Variants in NAALADL2 observed in about 807,000 individuals in gnomAD.
NAALADL2 encodes the protein N-acetylated alpha-linked acidic dipeptidase like 2, also known as inactive N-acetylated-alpha-linked acidic dipeptidase-like protein 2.
A neutral mutation model predicts 87.2 loss-of-function variants in NAALADL2; 76 were observed. That is an observed-to-expected ratio of 0.87 (90% CI 0.72 to 1.05). The LOEUF (loss-of-function observed/expected upper bound fraction) is 1.05, where lower values mean the gene tolerates loss of function less well. Ranked by LOEUF, NAALADL2 falls within the 50% of genes least tolerant of loss-of-function variation. NAALADL2 has a pLI of 0.00. For synonymous variants in NAALADL2, 354 were observed against 331.0 expected (o/e 1.07, Z -0.75); for missense variants, 1,089 against 945.8 (o/e 1.15, Z -1.99).
intron 1 of NAALADL2, among the ~76,000 whole-genome samples, chr3:174,874,703 G>A (rs1347609375): frequency 6.6e-6 from 1 of 151,836 alleles, no homozygotes; most frequent in East Asian, 1.9e-4. Context: ...TATTTTTTTT[G>A]CTACTTAAAT....
intron 1 of NAALADL2, among the ~76,000 whole-genome samples, chr3:174,931,654 G>T (rs1299888321): frequency 6.6e-6 from 1 of 152,102 alleles, no homozygotes; most frequent in Non-Finnish European, 1.5e-5. Context: ...CTCTTCAAGG[G>T]TAGATAAGAT....
chr3:175,167,192 A>G (rs939231091), intron 2 of NAALADL2, among the ~76,000 whole-genome samples: 5 of 152,208 alleles, frequency 3.3e-5, no homozygotes, highest in African/African-American at 1.2e-4. Flanking sequence ...TCAGCCATTC[A>G]TTGTAGCAGG....
chr3:175,154,290 T>G (rs1731982276), intron 2 of NAALADL2, among the ~76,000 whole-genome samples: 1 of 152,192 alleles, frequency 6.6e-6, no homozygotes, highest in Non-Finnish European at 1.5e-5. Flanking sequence ...CTATGAAGAT[T>G]GAGCCGATTA....
chr3:175,201,952 T>C (rs1740101903), intron 2 of NAALADL2, among the ~76,000 whole-genome samples: 1 of 152,194 alleles, frequency 6.6e-6, no homozygotes, highest in Admixed American at 6.5e-5. Context: ...TTTCTTAACT[T>C]TATGTATCAC....
At chr3:175,450,161 C>G (rs1290428764) in intron 6 of NAALADL2, among the ~76,000 whole-genome samples, 1 of 151,882 alleles carries the variant, frequency 6.6e-6, no homozygotes, top group Non-Finnish European at 1.5e-5. Context: ...GACAATAATG[C>G]TCATAGTTTT....
intron 9 of NAALADL2, among the ~76,000 whole-genome samples, chr3:175,536,483 A>T (rs1424810291): frequency 6.6e-6 from 1 of 152,156 alleles, no homozygotes; most frequent in Non-Finnish European, 1.5e-5. Flanking sequence ...TTTATAATGT[A>T]TTTACTGTAC....
At chr3:175,656,281 A>T (rs1731450096) in intron 11 of NAALADL2, among the ~76,000 whole-genome samples, 1 of 152,210 alleles carries the variant, frequency 6.6e-6, no homozygotes, top group Admixed American at 6.5e-5. Flanking sequence ...TCTCAGAATT[A>T]TTTATGATTA....
intron 5 of NAALADL2, among the ~76,000 whole-genome samples, chr3:175,435,747 A>G (rs1201930848): frequency 6.6e-6 from 1 of 152,042 alleles, no homozygotes; most frequent in African/African-American, 2.4e-5. Flanking sequence ...AAAGTTTTCT[A>G]ACCTTTTTTG....
intron 5 of NAALADL2, among the ~76,000 whole-genome samples, chr3:175,332,609 G>T (rs1292127139): frequency 1.3e-5 from 2 of 152,158 alleles, no homozygotes; most frequent in East Asian, 1.9e-4. Flanking sequence ...CTGTGATTTT[G>T]ATTTTTTTCT....
intron 11 of NAALADL2, among the ~76,000 whole-genome samples, chr3:175,631,979 G>A (rs1727826474): frequency 6.6e-6 from 1 of 151,968 alleles, no homozygotes; most frequent in Non-Finnish European, 1.5e-5. Context: ...AGATCTAAGA[G>A]AATAAACAAG....
intron 2 of NAALADL2, among the ~76,000 whole-genome samples, chr3:174,625,043 ATC>A (rs1181249470): frequency 1.9e-4 from 21 of 113,128 alleles, no homozygotes; most frequent in African/African-American, 5.7e-4. Context: ...ATTTATTGCT[ATC>A]TCTCTCTCTC....
intron 1 of NAALADL2, among the ~76,000 whole-genome samples, chr3:174,903,279 A>G (rs983551481): frequency 9.9e-5 from 15 of 152,088 alleles, no homozygotes; most frequent in African/African-American, 2.7e-4. Context: ...CACCAACAGA[A>G]ATGATTTTAT....
At chr3:174,773,290 T>TC (rs747172683) in intron 3 of NAALADL2, among the ~76,000 whole-genome samples, 101 of 152,144 alleles carry the variant, frequency 6.6e-4, no homozygotes, top group Non-Finnish European at 1.1e-3. Context: ...AAAAAACTTT[T>TC]CTCTTTCCTG....
chr3:175,545,681 T>G (rs978205597), intron 9 of NAALADL2, among the ~76,000 whole-genome samples: 1 of 152,172 alleles, frequency 6.6e-6, no homozygotes, highest in Non-Finnish European at 1.5e-5. Context: ...TTTTAAAACT[T>G]ATTTTATATT....
rs568834936 is a variant in NAALADL2, at chr3:174,985,903, G to A, written c.44-110887G>A. 2.2e-4 allele frequency among the ~76,000 whole-genome samples: 34 copies of A among 151,974 alleles called. No individual in the cohort carries two copies. The South Asian group carries it at 6.9e-3, about 31-fold the overall frequency. ...GGAGGCGGAGGTTGTGATGAGCTGA[G>A]ATCACGCCATTGCACTCCAGCCTGG... On this transcript the variant is annotated intron_variant, in intron 1 of 13. Coordinates refer to ENST00000454872, the MANE Select transcript of NAALADL2 (RefSeq NM_207015.3).
At chr3:175,060,898 T>G (rs1713317443) in intron 1 of NAALADL2, among the ~76,000 whole-genome samples, 1 of 152,026 alleles carries the variant, frequency 6.6e-6, no homozygotes, top group Non-Finnish European at 1.5e-5. Flanking sequence ...AAATACAAAA[T>G]TAGCCAGGCA....
intron 2 of NAALADL2, among the ~76,000 whole-genome samples, chr3:174,642,784 A>T (rs866426093): frequency 4.8e-5 from 5 of 104,956 alleles, no homozygotes; most frequent in African/African-American, 2.4e-4. Context: ...ATATATATAT[A>T]TATATGTTTT....
intron 5 of NAALADL2, among the ~76,000 whole-genome samples, chr3:175,353,537 C>T (rs1339009992): frequency 1.3e-5 from 2 of 152,110 alleles, no homozygotes; most frequent in African/African-American, 4.8e-5. Context: ...TAAGACATGT[C>T]AAACTTAGGT....
At chr3:175,371,621 T>C (rs1434378625) in intron 5 of NAALADL2, among the ~76,000 whole-genome samples, 5 of 151,588 alleles carry the variant, frequency 3.3e-5, no homozygotes, top group African/African-American at 1.2e-4. Flanking sequence ...GGTCAGGAGA[T>C]CAAGAGTAGC....
Sources: gnomAD v4.1 joint callset for allele counts (sites outside exome capture counted in the v4.1 genomes callset) on GRCh38, gnomAD v4.1.1 for gene constraint, MANE v1.5 for transcripts, NCBI Gene and HGNC (gene_info 2026-07-23, HGNC 2026-07-21) for gene names.